Variants in CWH43 observed in about 807,000 individuals in gnomAD.
CWH43 encodes PGAP2-interacting protein.
In CWH43, 91 loss-of-function variants were observed where a neutral mutation model predicts 85.7. The observed-to-expected ratio is 1.06, with a 90% CI of 0.90 to 1.26. CWH43 has a LOEUF of 1.26. Ranked by LOEUF, CWH43 falls within the 50% of genes most tolerant of loss-of-function variation. The probability of loss-of-function intolerance (pLI) is 0.00; values close to 1 mark genes in which losing one functional copy is unlikely to be tolerated. For synonymous variants in CWH43, 323 were observed against 293.6 expected, an observed-to-expected ratio of 1.10 and a Z score of -1.02; for missense variants, 869 against 839.2, an observed-to-expected ratio of 1.04 and a Z score of -0.44.
intron 12 of CWH43, among the ~76,000 whole-genome samples, chr4:49,035,127 G>A (rs920014800): frequency 2.6e-5 from 4 of 152,048 alleles, no homozygotes; most frequent in Non-Finnish European, 5.9e-5. Context: ...ACGTGATCAC[G>A]ACATGTTTTA....
chr4:49,021,547 T>A (rs1783750996), intron 9 of CWH43, among the ~76,000 whole-genome samples: 1 of 152,152 alleles, frequency 6.6e-6, no homozygotes, highest in Admixed American at 6.5e-5. Flanking sequence ...CTTTTTTTGT[T>A]CCATATGAAT....
chr4:49,031,168 T>C lies in CWH43; in HGVS notation c.1508+208T>C, dbSNP rs1436928555. The C allele has an allele frequency of 6.3e-6, 3 of 475,188 alleles. No individual in the cohort carries two copies. The East Asian group carries it at 1.1e-4, about 17-fold the overall frequency. The allele number at this position is 475,188 out of a possible 1,614,324, so 29.4% of individuals were successfully genotyped here. A position where few individuals can be genotyped will look rare whatever the true frequency, so the allele number is the denominator to read the frequency against. ...GGATATTTCCAGTTCTTCAGCATTA[T>C]AAACCAATCAATCTAGGAGCTGAGG... On this transcript the variant is annotated intron_variant, in intron 11 of 15. Transcript: ENST00000226432.
chr4:48,991,427 G>A, intron 2 of CWH43, 27 bp from the exon 3 acceptor site: 1 of 1,612,990 alleles, frequency 6.2e-7, no homozygotes, highest in Non-Finnish European at 8.5e-7. Context: ...TGCCAGAAAT[G>A]CTTAGCTCTC....
chr4:49,041,068 A>C (rs375585924), intron 13 of CWH43, among the ~76,000 whole-genome samples: 1 of 152,044 alleles, frequency 6.6e-6, no homozygotes, highest in Non-Finnish European at 1.5e-5. Flanking sequence ...ATGTGGCATT[A>C]TTTCTGAGGG....
At chr4:49,026,208 C>T (rs1322412972) in intron 9 of CWH43, among the ~76,000 whole-genome samples, 2 of 152,198 alleles carry the variant, frequency 1.3e-5, no homozygotes, top group Non-Finnish European at 2.9e-5. Flanking sequence ...CAACCGTGCC[C>T]CCACAACAGC....
chr4:49,050,928 C>A, intron 15 of CWH43, 79 bp downstream of exon 15: 2 of 996,368 alleles, frequency 2.0e-6, no homozygotes, highest in South Asian at 1.9e-5. Flanking sequence ...TCAAAATGAG[C>A]TAGAAATTAT....
chr4:49,043,229 A>T (rs767851531), intron 13 of CWH43, among the ~76,000 whole-genome samples: 11 of 152,238 alleles, frequency 7.2e-5, no homozygotes, highest in Non-Finnish European at 1.3e-4. Context: ...CCTCAGACTT[A>T]CATGACATAT....
At chr4:48,998,017 G>C (rs1291661690) in intron 5 of CWH43, among the ~76,000 whole-genome samples, 1 of 152,152 alleles carries the variant, frequency 6.6e-6, no homozygotes, top group Admixed American at 6.5e-5. Flanking sequence ...AAGACACACA[G>C]CTATCAGTTA....
At chr4:49,012,720 A>G (rs1783403857) in intron 8 of CWH43, among the ~76,000 whole-genome samples, 1 of 152,112 alleles carries the variant, frequency 6.6e-6, no homozygotes. Flanking sequence ...TTTCCTTCTA[A>G]CAGTCAGGTC....
At chr4:49,006,475 G>A (rs1416971772) in intron 7 of CWH43, among the ~76,000 whole-genome samples, 1 of 152,098 alleles carries the variant, frequency 6.6e-6, no homozygotes, top group African/African-American at 2.4e-5. Context: ...TTATTTCCTG[G>A]ATTCCTCCTG....
intron 8 of CWH43, among the ~76,000 whole-genome samples, chr4:49,015,263 T>A (rs531413939): frequency 6.8e-6 from 1 of 147,516 alleles, no homozygotes; most frequent in African/African-American, 2.5e-5. Context: ...TTGATTAGGG[T>A]TTTTTTTTTC....
In CWH43 at chr4:48,991,502, T is replaced by C. The variant is rs1384760955; in HGVS notation, c.284T>C (p.Val95Ala). Residue 95 changes from valine (V) to alanine (A), a missense_variant, in exon 3 of 16, where the codon GTT becomes GCT. Transcript: ENST00000226432. ...QAPNAKLRLM[V>A]LALGVSSSLI... ...CCAAATGCCAAACTTCGACTGATGG[T>C]TCTTGCGCTTGGGGTGTCTTCCTCA... is the stretch of plus-strand genomic sequence containing the variant. The C allele has an allele frequency of 1.9e-6, 3 of 1,614,088 alleles. No homozygotes were observed. The South Asian group carries it at 3.3e-5, about 18-fold the overall frequency.
At chr4:49,056,583 C>A (rs1784971671) in intron 15 of CWH43, among the ~76,000 whole-genome samples, 1 of 151,868 alleles carries the variant, frequency 6.6e-6, no homozygotes, top group African/African-American at 2.4e-5. Context: ...CTAGCTAACA[C>A]TTTATCCATT....
chr4:48,994,514 T>C (rs1256156026), intron 4 of CWH43, 105 bp from the exon 5 acceptor site: 13 of 930,500 alleles, frequency 1.4e-5, no homozygotes, highest in Non-Finnish European at 2.0e-5. Flanking sequence ...GAAGTAAGCT[T>C]CTTGAAGCCA....
intron 6 of CWH43, among the ~76,000 whole-genome samples, chr4:49,000,653 G>A (rs1782962157): frequency 6.6e-6 from 1 of 152,128 alleles, no homozygotes; most frequent in Admixed American, 6.5e-5. Flanking sequence ...TGCTTATTGG[G>A]CAGGTAGTTA....
chr4:48,997,924 A>T (rs1224010362), intron 5 of CWH43, among the ~76,000 whole-genome samples: 1 of 152,164 alleles, frequency 6.6e-6, no homozygotes, highest in African/African-American at 2.4e-5. Flanking sequence ...TTCCTTCTAA[A>T]GTTTAGTCAA....
intron 11 of CWH43, among the ~76,000 whole-genome samples, chr4:49,031,667 C>T (rs1349147507): frequency 6.6e-6 from 1 of 152,086 alleles, no homozygotes; most frequent in Non-Finnish European, 1.5e-5. Context: ...GAGTGGGAGC[C>T]AGGAGGCAGA....
chr4:49,032,571 T>C lies in CWH43; in HGVS notation c.1514T>C (p.Met505Thr), dbSNP rs1473348999. The change falls in exon 12 of 16, where the codon ATG becomes ACG. Residue 505 changes from methionine (M) to threonine (T), a missense_variant. Coordinates refer to ENST00000226432, the MANE Select transcript of CWH43 (RefSeq NM_025087.3). Reference protein sequence around the residue: ...PSTRYHTWGIMALSRYPIVKS... With the variant: ...PSTRYHTWGITALSRYPIVKS... ...CTCTTTTCATTCCAATACAGGATTA[T>C]GGCTTTGTCAAGATACCCAATTGTG... 1.2e-6 allele frequency: 2 copies of C among 1,614,012 alleles called. No homozygotes were observed. Among genetic ancestry groups the C allele is most frequent in the Non-Finnish European group, 1.7e-6 (2 of 1,179,902 alleles).
chr4:49,001,069 G>A (rs535235640), intron 6 of CWH43, among the ~76,000 whole-genome samples: 105 of 152,276 alleles, frequency 6.9e-4, no homozygotes, highest in Non-Finnish European at 1.1e-3. Flanking sequence ...CCATTGCACA[G>A]TTTATGTTGA....
Sources: gnomAD v4.1 joint callset for allele counts (sites outside exome capture counted in the v4.1 genomes callset) on GRCh38, gnomAD v4.1.1 for gene constraint, MANE v1.5 for transcripts, NCBI Gene and HGNC (gene_info 2026-07-23, HGNC 2026-07-21) for gene names.